LRRFIP1: variants seen among roughly 807,000 people sequenced by gnomAD.
The protein encoded by LRRFIP1 is LRR binding FLII interacting protein 1, also known as leucine-rich repeat flightless-interacting protein 1.
A neutral mutation model predicts 104.4 loss-of-function variants in LRRFIP1; 62 were observed. The ratio of observed to expected loss-of-function variants is 0.59; its 90% CI spans 0.48 to 0.73. LRRFIP1 has a LOEUF of 0.73. Ranked by LOEUF, LRRFIP1 falls within the 30% of genes least tolerant of loss-of-function variation. The pLI, the probability that LRRFIP1 is intolerant of heterozygous loss-of-function variation, is 0.00. For missense variants in LRRFIP1, 796 were observed against 824.5 expected (o/e 0.97, Z 0.42); for synonymous variants, 300 against 299.0 (o/e 1.00, Z -0.03).
intron 2 of LRRFIP1, chr2:237,708,905 A>G (rs2093947768): frequency 1.8e-6 from 1 of 569,504 alleles, no homozygotes; most frequent in African/African-American, 1.8e-5. Flanking sequence ...AGGAGCCAAA[A>G]TGTTCAGGGT....
intron 19 of LRRFIP1, chr2:237,763,160 G>A: frequency 6.2e-7 from 1 of 1,614,204 alleles, no homozygotes; most frequent in South Asian, 1.1e-5. Flanking sequence ...GGAAGCAGCT[G>A]AGCCCAAGGA....
chr2:237,717,141 A>G lies in LRRFIP1; in HGVS notation c.202-621A>G, dbSNP rs1161875903. ...ACCCCTGAGCTAATGTCACCTCCAG[A>G]CATACATAACTTGTGGGTCTGCATA... On this transcript the variant is annotated intron_variant, in intron 3 of 23. Coordinates refer to ENST00000308482, the MANE Select transcript of LRRFIP1 (RefSeq NM_001137550.2). The surrounding 1 kb of genome is among the most constrained non-coding windows in gnomAD (Gnocchi z 4.2). Among the ~76,000 whole-genome samples, 1 of 152,168 alleles carries G rather than the reference A, an allele frequency of 6.6e-6. No individual in the cohort carries two copies. Among genetic ancestry groups the G allele is most frequent in the Non-Finnish European group, 1.5e-5 (1 of 68,040 alleles).
At chr2:237,667,813 GC>G (rs1267349909) in intron 1 of LRRFIP1, among the ~76,000 whole-genome samples, 2 of 149,716 alleles carry the variant, frequency 1.3e-5, no homozygotes, top group Admixed American at 6.6e-5. Flanking sequence ...CACAGGACTG[GC>G]CCAGCCCCCG....
chr2:237,713,074 C>T (rs1023639328), intron 2 of LRRFIP1, among the ~76,000 whole-genome samples: 3 of 152,042 alleles, frequency 2.0e-5, no homozygotes, highest in South Asian at 2.1e-4. Flanking sequence ...TTGAGGGGGC[C>T]GCTCTGAGAA....
At chr2:237,646,374 G>A (rs376483426) in intron 1 of LRRFIP1, among the ~76,000 whole-genome samples, 2 of 151,820 alleles carry the variant, frequency 1.3e-5, no homozygotes, top group Middle Eastern at 3.2e-3. Flanking sequence ...ATTAAGCCCA[G>A]CATCCATTAG....
At chr2:237,724,584 GTTAC>G (rs1410996060) in intron 7 of LRRFIP1, among the ~76,000 whole-genome samples, 4 of 152,164 alleles carry the variant, frequency 2.6e-5, no homozygotes, top group South Asian at 4.1e-4. Flanking sequence ...CAGAGTATCT[GTTAC>G]TTACCTACAG....
intron 1 of LRRFIP1, among the ~76,000 whole-genome samples, chr2:237,685,600 A>T (rs918769199): frequency 8.6e-5 from 13 of 152,024 alleles, no homozygotes; most frequent in African/African-American, 3.1e-4. Flanking sequence ...TGGTGTCCTC[A>T]TTCCCATGGA....
At position 237,627,741 on chromosome 2, in the gene LRRFIP1, G is replaced by T; in HGVS notation, c.96+1G>T. ...CGCGCTCAACCAGATCGCGCGGGAG[G>T]TGAGCGCTCCGGGAGGGCAGCCGGG... On this transcript the variant is annotated splice_donor_variant, in intron 1 of 23. Transcript: ENST00000308482. LOFTEE classifies it high-confidence loss of function. 7.8e-7 allele frequency: 1 copy of T among 1,289,976 alleles called. No homozygotes were observed. Among genetic ancestry groups the T allele is most frequent in the Non-Finnish European group, 9.9e-7 (1 of 1,011,644 alleles). 79.9% of individuals were successfully genotyped at this position (1,289,976 alleles called of 1,614,324 possible).
chr2:237,681,421 C>T (rs1316669163), intron 1 of LRRFIP1, among the ~76,000 whole-genome samples: 2 of 151,922 alleles, frequency 1.3e-5, no homozygotes, highest in African/African-American at 2.4e-5. Flanking sequence ...GGCTGGAGTA[C>T]AGTGGTGTGA....
chr2:237,715,117 G>A (rs1044618865), intron 3 of LRRFIP1, among the ~76,000 whole-genome samples: 5 of 152,208 alleles, frequency 3.3e-5, no homozygotes, highest in Non-Finnish European at 2.9e-5. Context: ...GAATGCACGG[G>A]CAGTAAATTT....
intron 1 of LRRFIP1, among the ~76,000 whole-genome samples, chr2:237,635,288 C>A (rs1286098572): frequency 6.6e-6 from 1 of 152,060 alleles, no homozygotes; most frequent in Non-Finnish European, 1.5e-5. Context: ...ACATAATTTC[C>A]AGTAAGTATT....
At chr2:237,673,490 G>C (rs922500091) in intron 1 of LRRFIP1, among the ~76,000 whole-genome samples, 1 of 152,206 alleles carries the variant, frequency 6.6e-6, no homozygotes, top group Non-Finnish European at 1.5e-5. Flanking sequence ...ATCCAGTGCC[G>C]CGCGTGGCGT....
At chr2:237,692,334 C>T in intron 1 of LRRFIP1, 4 of 1,253,510 alleles carry the variant, frequency 3.2e-6, no homozygotes, top group Non-Finnish European at 4.0e-6. Flanking sequence ...CGAGCGTTCA[C>T]TTAGCGGCGA....
intron 11 of LRRFIP1, among the ~76,000 whole-genome samples, chr2:237,747,706 T>C (rs778880994): frequency 4.6e-5 from 7 of 152,154 alleles, no homozygotes; most frequent in Non-Finnish European, 1.0e-4. Context: ...GTGAAGAAGT[T>C]CTGAGCTACG....
chr2:237,627,790 C>G (rs986406172), intron 1 of LRRFIP1, 50 bp downstream of exon 1: 2 of 1,110,266 alleles, frequency 1.8e-6, no homozygotes, highest in Admixed American at 4.6e-5. Context: ...GCGCGGGGGC[C>G]GGACGGCTGT....
chr2:237,707,732 C>T (rs2093885453), intron 1 of LRRFIP1, among the ~76,000 whole-genome samples: 1 of 152,202 alleles, frequency 6.6e-6, no homozygotes, highest in African/African-American at 2.4e-5. Context: ...AGATGCCAGG[C>T]TCGATAGCAT....
At chr2:237,772,504 A>AT (rs1371965763) in intron 21 of LRRFIP1, 1 of 436,568 alleles carries the variant, frequency 2.3e-6, no homozygotes, top group Non-Finnish European at 4.1e-6. Context: ...TATGAAAAAA[A>AT]AAAAATGAAA....
At chr2:237,769,264 C>T (rs924694406) in intron 19 of LRRFIP1, 1 of 152,386 alleles carries the variant, frequency 6.6e-6, no homozygotes, top group Non-Finnish European at 1.5e-5. Context: ...GTGGTTTCCC[C>T]CGCAGTCTGA....
chr2:237,723,528 T>C lies in LRRFIP1; in HGVS notation c.346-20T>C. ...TCTCTTTGCTGTTGTTTTTTTTTTC[T>C]GCCATCTTTCTTCTGACAGTCGCAG... is the stretch of plus-strand genomic sequence containing the variant. On this transcript the variant is annotated intron_variant, in intron 6 of 23. Transcript: ENST00000308482. 2 of 1,612,392 alleles carry C rather than the reference T, an allele frequency of 1.2e-6. No individual in the cohort carries two copies. Among genetic ancestry groups the C allele is most frequent in the Non-Finnish European group, 1.7e-6 (2 of 1,178,774 alleles).
Sources: gnomAD v4.1 joint callset for allele counts (sites outside exome capture counted in the v4.1 genomes callset) on GRCh38, gnomAD v4.1.1 for gene constraint, Gnocchi (gnomAD v3.1) non-coding constraint, MANE v1.5 for transcripts, NCBI Gene and HGNC (gene_info 2026-07-23, HGNC 2026-07-21) for gene names.